Variants in PSD3 observed in about 807,000 individuals in gnomAD.
The protein encoded by PSD3 is pleckstrin and Sec7 domain containing 3.
In PSD3, 49 loss-of-function variants were observed where a neutral mutation model predicts 105.5. That is an observed-to-expected ratio of 0.46 (90% CI 0.37 to 0.59). The LOEUF (loss-of-function observed/expected upper bound fraction) is 0.59, where lower values mean the gene tolerates loss of function less well. PSD3 is among the 20% of genes least tolerant of loss of function. The probability of loss-of-function intolerance (pLI) is 0.00; values close to 1 mark genes in which losing one functional copy is unlikely to be tolerated. For missense variants in PSD3, 1,561 were observed against 1,263.8 expected (o/e 1.24, Z -3.57); for synonymous variants, 557 against 457.8 (o/e 1.22, Z -2.77).
At chr8:18,758,686 G>A (rs971241339) in intron 9 of PSD3, among the ~76,000 whole-genome samples, 3 of 151,926 alleles carry the variant, frequency 2.0e-5, no homozygotes, top group Admixed American at 6.6e-5. Context: ...TTTTATCTTT[G>A]CTGATCTTTT....
At chr8:19,066,546 G>T (rs4921984) in intron 1 of PSD3, among the ~76,000 whole-genome samples, 58,815 of 151,974 alleles carry the variant, frequency 0.39, 12,045 homozygotes, top group East Asian at 0.6. Flanking sequence ...GTCTGACTCA[G>T]TCTTTATCTC....
intron 1 of PSD3, among the ~76,000 whole-genome samples, chr8:18,954,965 T>A (rs1823473339): frequency 6.6e-6 from 1 of 152,110 alleles, no homozygotes; most frequent in Non-Finnish European, 1.5e-5. Context: ...AGAGATAACA[T>A]CAAGGTGCAG....
chr8:18,921,659 C>T (rs1416769733), intron 2 of PSD3, among the ~76,000 whole-genome samples: 3 of 152,168 alleles, frequency 2.0e-5, no homozygotes, highest in Non-Finnish European at 4.4e-5. Context: ...ATAGAAAATC[C>T]ATCTCTGGAT....
intron 9 of PSD3, among the ~76,000 whole-genome samples, chr8:18,659,364 A>G (rs1485645466): frequency 6.6e-6 from 1 of 152,362 alleles, no homozygotes; most frequent in African/African-American, 2.4e-5. Context: ...TTCTGATGGT[A>G]AGGGAAGAAC....
chr8:18,878,835 C>T (rs564420709), intron 2 of PSD3, among the ~76,000 whole-genome samples: 1 of 152,066 alleles, frequency 6.6e-6, no homozygotes, highest in African/African-American at 2.4e-5. Flanking sequence ...CTTAAAGCTT[C>T]CAAAGGCAAT....
intron 1 of PSD3, among the ~76,000 whole-genome samples, chr8:18,960,219 A>G (rs141039007): frequency 1.3e-5 from 2 of 152,342 alleles, no homozygotes; most frequent in East Asian, 1.9e-4. Flanking sequence ...ACGATGCTCA[A>G]CTATATGAAT....
chr8:18,841,210 G>T (rs1441099469), intron 4 of PSD3, among the ~76,000 whole-genome samples: 1 of 152,168 alleles, frequency 6.6e-6, no homozygotes, highest in African/African-American at 2.4e-5. Flanking sequence ...TTAGCAGACT[G>T]CTGTGTTTGT....
chr8:18,969,628 G>A, intron 1 of PSD3, among the ~76,000 whole-genome samples: 1 of 152,290 alleles, frequency 6.6e-6, no homozygotes, highest in South Asian at 2.1e-4. Context: ...TCTTTTGAAT[G>A]TTCATCTTTA....
chr8:18,549,235 G>A, intron 15 of PSD3, among the ~76,000 whole-genome samples: 1 of 143,364 alleles, frequency 7.0e-6, no homozygotes, highest in Admixed American at 7.1e-5. Context: ...AGGCTAGAGT[G>A]CAATGGCATG....
At chr8:18,940,862 G>T (rs1322415182) in intron 1 of PSD3, among the ~76,000 whole-genome samples, 1 of 152,128 alleles carries the variant, frequency 6.6e-6, no homozygotes, top group Non-Finnish European at 1.5e-5. Context: ...CTGTCTGTCA[G>T]TTCCCCAATA....
intron 4 of PSD3, among the ~76,000 whole-genome samples, chr8:18,844,387 A>C (rs1259066763): frequency 6.6e-6 from 1 of 152,082 alleles, no homozygotes; most frequent in Non-Finnish European, 1.5e-5. Context: ...CAGAAACTTT[A>C]AAACTCTAAT....
chr8:18,881,430 A>G (rs1818097067), intron 2 of PSD3, among the ~76,000 whole-genome samples: 1 of 152,198 alleles, frequency 6.6e-6, no homozygotes, highest in Non-Finnish European at 1.5e-5. Context: ...CTGTTTGAGG[A>G]GCAGTAAATC....
intron 4 of PSD3, among the ~76,000 whole-genome samples, chr8:18,862,086 T>C (rs1196900633): frequency 6.6e-6 from 1 of 152,198 alleles, no homozygotes; most frequent in African/African-American, 2.4e-5. Context: ...CTACTGTCAT[T>C]GGTATTCATT....
chr8:18,687,723 A>G (rs1800740207), intron 9 of PSD3, among the ~76,000 whole-genome samples: 1 of 152,014 alleles, frequency 6.6e-6, no homozygotes, highest in Non-Finnish European at 1.5e-5. Flanking sequence ...GCGCTTGCCC[A>G]TCCCTTTTCT....
chr8:18,946,297 C>G (rs1423712817), intron 1 of PSD3, among the ~76,000 whole-genome samples: 1 of 152,094 alleles, frequency 6.6e-6, no homozygotes, highest in Non-Finnish European at 1.5e-5. Context: ...ATATTTGAGG[C>G]CAGGTGCGGT....
intron 14 of PSD3, among the ~76,000 whole-genome samples, chr8:18,559,251 CTT>C (rs1455563705): frequency 3.9e-5 from 6 of 152,086 alleles, no homozygotes; most frequent in African/African-American, 1.2e-4. Flanking sequence ...TGAAAGTTCT[CTT>C]TGTTTTACAT....
At chr8:18,774,856 C>CA in intron 8 of PSD3, 4 of 456,076 alleles carry the variant, frequency 8.8e-6, no homozygotes, top group South Asian at 6.2e-5. Flanking sequence ...TCAGGTTGTC[C>CA]AGCTGTCTTA....
At chr8:18,725,880 G>GT (rs1803305192) in intron 9 of PSD3, among the ~76,000 whole-genome samples, 1 of 152,106 alleles carries the variant, frequency 6.6e-6, no homozygotes, top group Admixed American at 6.6e-5. Flanking sequence ...CAAAGAAAAA[G>GT]AAAAAGGAAA....
At chr8:18,946,927 AAAAT>A (rs1005047774) in intron 1 of PSD3, among the ~76,000 whole-genome samples, 1 of 149,896 alleles carries the variant, frequency 6.7e-6, no homozygotes, top group Middle Eastern at 3.6e-3. Context: ...TAAATAAAAT[AAAAT>A]AAATAAAATA....
Sources: allele counts gnomAD v4.1 joint callset (sites outside exome capture counted in the v4.1 genomes callset), GRCh38; gene constraint gnomAD v4.1.1; transcripts MANE v1.5; gene names NCBI Gene and HGNC (gene_info 2026-07-23, HGNC 2026-07-21).